The following SLC16A8 variants were observed in gnomAD, a reference collection of about 807,000 sequenced individuals.
The protein encoded by SLC16A8 is monocarboxylate transporter 3.
Under a neutral mutation model 22.4 loss-of-function variants are expected in SLC16A8, and 20 were observed. The observed-to-expected ratio is 0.89, with a 90% confidence interval of 0.63 to 1.30. The LOEUF (loss-of-function observed/expected upper bound fraction) is 1.30, where lower values mean the gene tolerates loss of function less well. SLC16A8 is among the 50% of genes most tolerant of loss of function. SLC16A8 has a pLI of 0.00. For missense variants in SLC16A8, 817 were observed against 740.3 expected (o/e 1.10, Z -1.20); for synonymous variants, 393 against 358.8 (o/e 1.10, Z -1.08).
chr22:38,082,930 A>G, intron 2 of SLC16A8, 49 bp from the exon 3 acceptor site: 5 of 1,149,468 alleles, frequency 4.3e-6, no homozygotes, highest in Non-Finnish European at 6.1e-6. Context: ...CCAGCAGCCT[A>G]GAGAAGGAGG....
In SLC16A8 at chr22:38,080,858, T is replaced by C; in HGVS notation, c.1180A>G (p.Ile394Val). The change falls in exon 5 of 6, where the codon ATC becomes GTC. Residue 394 changes from isoleucine to valine, a missense_variant. Coordinates refer to ENST00000681075, the MANE Select transcript of SLC16A8 (RefSeq NM_013356.3). The part of the protein sequence containing the change: ...VLLVEAAAVL[I>V]GPPSAGRLVD... ...GGCGCACCGGCAGAGGGCGGTCCGA[T>C]GAGCACAGCCGCGGCCTCCACGAGC... 1 of 1,529,340 alleles carries C rather than the reference T, an allele frequency of 6.5e-7. No individual in the cohort carries two copies. The highest frequency in any genetic ancestry group is 8.7e-7 in the Non-Finnish European group (1 of 1,145,284). The allele number at this position is 1,529,340 out of a possible 1,614,324, so 94.7% of individuals were successfully genotyped here. A position where few individuals can be genotyped will look rare whatever the true frequency, so the allele number is the denominator to read the frequency against.
intron 2 of SLC16A8, 59 bp from the exon 3 acceptor site, chr22:38,082,940 G>A (rs1418820295): frequency 1.5e-5 from 16 of 1,102,294 alleles, no homozygotes; most frequent in Non-Finnish European, 2.0e-5. Context: ...AGAGAAGGAG[G>A]GGGATGGAGA....
Position 38,082,709 on chromosome 22 carries a change from G to A in SLC16A8, c.165C>T (p.Ser55=), listed in dbSNP as rs769428786. The A allele has an allele frequency of 4.4e-6, 7 of 1,590,178 alleles. No individual in the cohort carries two copies. The highest frequency in any genetic ancestry group is 1.3e-5 in the African/African-American group (1 of 74,688). ...ALMRDFDAGY[S]DTAWVSSIML... ...TGATGGAGGACACCCAGGCCGTGTC[G>A]CTGTAGCCGGCGTCGAAGTCGCGCA... The change falls in exon 3 of 6, where the codon AGC becomes AGT. Residue 55 remains serine, a synonymous_variant. Coordinates refer to ENST00000681075, the MANE Select transcript of SLC16A8 (RefSeq NM_013356.3).
At chr22:38,079,735 T>TG (rs1272080558) in intron 5 of SLC16A8, among the ~76,000 whole-genome samples, 1 of 152,212 alleles carries the variant, frequency 6.6e-6, no homozygotes, top group African/African-American at 2.4e-5. Context: ...TTGCAAGTAT[T>TG]TCCCCCTAAA....
rs529429975 is a variant in SLC16A8 at position 38,082,878 on chromosome 22, G to C, written c.-5C>G. 1 of 1,522,622 alleles carries C rather than the reference G, an allele frequency of 6.6e-7. No homozygotes were observed. Among genetic ancestry groups the C allele is most frequent in the Non-Finnish European group, 8.8e-7 (1 of 1,133,632 alleles). The allele number at this position is 1,522,622 out of a possible 1,614,324, so 94.3% of individuals were successfully genotyped here. On this transcript the variant is annotated 5_prime_UTR_variant, in exon 3 of 6. Coordinates refer to ENST00000681075, the MANE Select transcript of SLC16A8 (RefSeq NM_013356.3). ...CCGGGGGCCGCCAGCGCCCATCGCT[G>C]CCTCTGTTGGGAGGGGGCGGGGACA...
intron 3 of SLC16A8, among the ~76,000 whole-genome samples, chr22:38,082,406 C>T (rs2085931604): frequency 1.3e-5 from 2 of 152,236 alleles, no homozygotes. Flanking sequence ...GCTTTCCTGC[C>T]TCTACAATGG....
chr22:38,081,846 C>G, intron 4 of SLC16A8, 43 bp downstream of exon 4: 1 of 1,559,988 alleles, frequency 6.4e-7, no homozygotes. Flanking sequence ...AGCAAGAACC[C>G]CCGACCCCCA....
chr22:38,078,596 C>T lies in SLC16A8; in HGVS notation c.1307G>A (p.Arg436His), dbSNP rs766268798. 17 of 1,613,954 alleles carry T rather than the reference C, an allele frequency of 1.1e-5. No homozygotes were observed. The highest frequency in any genetic ancestry group is 2.2e-5 in the South Asian group (2 of 91,088). Residue 436 changes from arginine to histidine, a missense_variant, in exon 6 of 6, where the codon CGT becomes CAT. Arg to His is a conservative substitution (Grantham distance 29, BLOSUM62 0). Transcript: ENST00000681075. ...GCCTGACGGGGCAGCTTTAGCACAA[C>T]GCAGGCAGCAGTTGGTGGCGACAGC... ...FMAVATNCCL[R>H]CAKAAPSGPG...
Position 38,081,117 on chromosome 22 carries a change from G to C in SLC16A8, c.921C>G (p.Gly307=), listed in dbSNP as rs760971133. Residue 307 remains glycine, a synonymous_variant, in exon 5 of 6, where the codon GGC becomes GGG. Coordinates refer to ENST00000681075, the MANE Select transcript of SLC16A8 (RefSeq NM_013356.3). ...FVDIVARPAC[G]ALAGLARLRP... Reference sequence around the variant, plus strand: ...GCAGACGCGCCAGGCCCGCCAGGGCGCCGCACGCCGGGCGCGCCACGATGT... The same window carrying C: ...GCAGACGCGCCAGGCCCGCCAGGGCCCCGCACGCCGGGCGCGCCACGATGT... The C allele has an allele frequency of 1.3e-5, 20 of 1,545,208 alleles. No individual in the cohort carries two copies. The highest frequency in any genetic ancestry group is 1.7e-4 in the Middle Eastern group (1 of 5,842).
At chr22:38,080,611 G>A (rs1463792058) in intron 5 of SLC16A8, among the ~76,000 whole-genome samples, 1 of 152,190 alleles carries the variant, frequency 6.6e-6, no homozygotes, top group Non-Finnish European at 1.5e-5. Context: ...TGGCAGATCT[G>A]GCCAGCTACC....
At chr22:38,079,033 G>A (rs530346131) in intron 5 of SLC16A8, among the ~76,000 whole-genome samples, 12 of 152,292 alleles carry the variant, frequency 7.9e-5, no homozygotes, top group African/African-American at 2.9e-4. Flanking sequence ...GTGGGAGCGG[G>A]GAGGGGGCCC....
Position 38,081,668 on chromosome 22 carries a change from C to A in SLC16A8, c.370G>T (p.Ala124Ser), listed in dbSNP as rs1348070753. 1 of 1,516,160 alleles carries A rather than the reference C, an allele frequency of 6.6e-7. No homozygotes were observed. The highest frequency in any genetic ancestry group is 2.2e-5 in the Admixed American group (1 of 46,276). The allele number at this position is 1,516,160 out of a possible 1,614,324, so 93.9% of individuals were successfully genotyped here. ...ATGAGCGACGGCTGGAAGTTGAGGGCCAGGCCCAGGCCTGCGGGCGAGGCG... is the reference window on the plus strand; with the variant it reads ...ATGAGCGACGGCTGGAAGTTGAGGGACAGGCCCAGGCCTGCGGGCGAGGCG... Reference protein sequence around the residue: ...TAGVLTGLGLALNFQPSLIML... With the variant: ...TAGVLTGLGLSLNFQPSLIML... The change falls in exon 5 of 6, where the codon GCC becomes TCC. Residue 124 changes from alanine to serine, a missense_variant. Physicochemically the swap from Ala to Ser is moderately conservative, Grantham distance 99 (BLOSUM62 1). Transcript: ENST00000681075.
chr22:38,082,826 GCCGCCGTCTGGGGGGCCCTCGCC>G lies in SLC16A8; in HGVS notation c.25_47del (p.Gly9LeufsTer207). 1 of 1,579,182 alleles carries G rather than the reference GCCGCCGTCTGGGGGGCCCTCGCC, an allele frequency of 6.3e-7. No individual in the cohort carries two copies. The highest frequency in any genetic ancestry group is 8.6e-7 in the Non-Finnish European group (1 of 1,167,210). ...AGGCGCCCAGCACCACCCAGCCCCA[GCCGCCGTCTGGGGGGCCCTCGCC>G]CCGCCGGGGGCCGCCAGCGCCCATC... On this transcript the variant is annotated frameshift_variant, in exon 3 of 6. Coordinates refer to ENST00000681075, the MANE Select transcript of SLC16A8 (RefSeq NM_013356.3). LOFTEE classifies it high-confidence loss of function.
chr22:38,081,610 GGCC>G lies in SLC16A8; in HGVS notation c.425_427del (p.Arg142del). 6.6e-7 allele frequency: 1 copy of G among 1,520,776 alleles called. No homozygotes were observed. Among genetic ancestry groups the G allele is most frequent in the Middle Eastern group, 2.1e-4 (1 of 4,732 alleles). 94.2% of individuals were successfully genotyped at this position (1,520,776 alleles called of 1,614,324 possible). A position where few individuals can be genotyped will look rare whatever the true frequency, so the allele number is the denominator to read the frequency against. On this transcript the variant is annotated inframe_deletion, in exon 5 of 6. Transcript: ENST00000681075. The stretch of plus-strand genomic sequence containing the variant: ...CGCCGCCGCCAGCCCGTTGGCCAGA[GGCC>G]GCCGCCGCTCGAAGTACAGCCCCAG...
intron 5 of SLC16A8, among the ~76,000 whole-genome samples, 196 bp from the exon 6 acceptor site, chr22:38,078,900 C>T (rs2085882104): frequency 6.6e-6 from 1 of 152,264 alleles, no homozygotes; most frequent in Non-Finnish European, 1.5e-5. Context: ...TTAAAAATGT[C>T]ACTTGCTGTC....
At chr22:38,080,258 G>A (rs1481618065) in intron 5 of SLC16A8, among the ~76,000 whole-genome samples, 4 of 152,154 alleles carry the variant, frequency 2.6e-5, no homozygotes, top group African/African-American at 9.7e-5. Flanking sequence ...ATTCCAGGAA[G>A]CCTTCCCTGA....
At position 38,081,366 on chromosome 22, in the gene SLC16A8, A is replaced by C. The variant is rs1369220139; in HGVS notation, c.672T>G (p.Gly224=). 7.1e-5 allele frequency: 102 copies of C among 1,432,642 alleles called. No individual in the cohort carries two copies. The highest frequency in any genetic ancestry group is 9.3e-5 in the Non-Finnish European group (102 of 1,097,146). The allele number at this position is 1,432,642 out of a possible 1,614,324, so 88.7% of individuals were successfully genotyped here. ...GDAPGEAEAD[G]AGLQLREASP... ...ATGCCTCGCGCAGCTGCAGCCCCGCACCGTCAGCCTCCGCCTCGCCCGGAG... is the reference window on the plus strand; with the variant it reads ...ATGCCTCGCGCAGCTGCAGCCCCGCCCCGTCAGCCTCCGCCTCGCCCGGAG... The change falls in exon 5 of 6, where the codon GGT becomes GGG. Residue 224 remains glycine, a synonymous_variant. Transcript: ENST00000681075.
intron 5 of SLC16A8, among the ~76,000 whole-genome samples, chr22:38,080,568 C>T (rs773882041): frequency 3.9e-5 from 6 of 152,202 alleles, no homozygotes; most frequent in East Asian, 1.9e-4. Context: ...TAAGCACCTG[C>T]GCTCCAGATG....
Position 38,081,227 on chromosome 22 carries a change from C to G in SLC16A8, c.811G>C (p.Ala271Pro). The change falls in exon 5 of 6, where the codon GCC becomes CCC. Residue 271 changes from alanine (A) to proline (P), a missense_variant. Coordinates refer to ENST00000681075, the MANE Select transcript of SLC16A8 (RefSeq NM_013356.3). ...FLMALGLFVP[A>P]ILLVNYAKDA... ...TTGGCGTAGTTCACCAGCAGGATGGCGGGGACGAAGAGCCCGAGCGCCATC... is the reference window on the plus strand; with the variant it reads ...TTGGCGTAGTTCACCAGCAGGATGGGGGGGACGAAGAGCCCGAGCGCCATC... 2 of 1,578,562 alleles carry G rather than the reference C, an allele frequency of 1.3e-6. No individual in the cohort carries two copies. Among genetic ancestry groups the G allele is most frequent in the Non-Finnish European group, 1.7e-6 (2 of 1,163,064 alleles).
Sources: gnomAD v4.1 joint callset for allele counts (sites outside exome capture counted in the v4.1 genomes callset) on GRCh38, gnomAD v4.1.1 for gene constraint, MANE v1.5 for transcripts, NCBI Gene and HGNC (gene_info 2026-07-23, HGNC 2026-07-21) for gene names.